FIGN: variants seen among roughly 807,000 people sequenced by gnomAD.
FIGN encodes fidgetin.
Under a neutral mutation model 51.3 loss-of-function variants are expected in FIGN, and 11 were observed. That is an observed-to-expected ratio of 0.21 (90% confidence interval 0.13 to 0.35). FIGN has a LOEUF of 0.35. Ranked by LOEUF, FIGN falls within the 10% of genes least tolerant of loss-of-function variation. The pLI is 1.00. For missense variants in FIGN, 857 were observed against 943.6 expected, an observed-to-expected ratio of 0.91 and a Z score of 1.20; for synonymous variants, 407 against 363.2, an observed-to-expected ratio of 1.12 and a Z score of -1.37.
At chr2:163,644,728 A>T (rs1683356863) in intron 2 of FIGN, among the ~76,000 whole-genome samples, 1 of 152,250 alleles carries the variant, frequency 6.6e-6, no homozygotes, top group Non-Finnish European at 1.5e-5. Flanking sequence ...ATCCACTGGA[A>T]AATTATTCAG....
rs545884046 is a variant in FIGN at position 163,627,386 on chromosome 2, G to C, written c.26-15580C>G. Among the ~76,000 whole-genome samples the C allele has an allele frequency of 2.0e-5, 3 of 152,238 alleles. No individual in the cohort carries two copies. In the South Asian group the frequency reaches 6.2e-4, roughly 32 times the overall value. On this transcript the variant is annotated intron_variant, in intron 2 of 2. Coordinates refer to ENST00000333129, the MANE Select transcript of FIGN (RefSeq NM_018086.4). Reference sequence around the variant, plus strand: ...CACAAGCTAGGGAGGATGGATATATGCATGAAACAGATTCTAGTGCAGAGA... The same window carrying C: ...CACAAGCTAGGGAGGATGGATATATCCATGAAACAGATTCTAGTGCAGAGA...
chr2:163,631,414 T>C (rs1683143810), intron 2 of FIGN, among the ~76,000 whole-genome samples: 1 of 152,194 alleles, frequency 6.6e-6, no homozygotes, highest in South Asian at 2.1e-4. Flanking sequence ...GAAATTAGAA[T>C]GCTAAACTAT....
chr2:163,730,504 T>TTGTGTG (rs59444555), intron 2 of FIGN, among the ~76,000 whole-genome samples: 4,580 of 148,972 alleles, frequency 0.031, 100 homozygotes, highest in East Asian at 0.11. Context: ...TGCTCCGTGT[T>TTGTGTG]TGTGTGTGTG....
chr2:163,652,439 C>T (rs1208091493), intron 2 of FIGN, among the ~76,000 whole-genome samples: 1 of 148,466 alleles, frequency 6.7e-6, no homozygotes, highest in Non-Finnish European at 1.5e-5. Flanking sequence ...TAGTATTCTA[C>T]TTAGGGATAG....
chr2:163,668,872 C>T (rs1471868899), intron 2 of FIGN, among the ~76,000 whole-genome samples: 6 of 151,730 alleles, frequency 4.0e-5, no homozygotes, highest in East Asian at 1.9e-4. Flanking sequence ...ACCCGGGAGG[C>T]GGAGCTTGCA....
intron 2 of FIGN, among the ~76,000 whole-genome samples, chr2:163,641,549 T>A (rs1354786017): frequency 2.6e-5 from 4 of 152,238 alleles, no homozygotes; most frequent in Non-Finnish European, 5.9e-5. Context: ...TAGGAAACGT[T>A]CCATTATACC....
At chr2:163,699,525 T>A (rs1476182090) in intron 2 of FIGN, among the ~76,000 whole-genome samples, 1 of 135,682 alleles carries the variant, frequency 7.4e-6, no homozygotes. Flanking sequence ...CATGTTCACA[T>A]GAATGTACTT....
chr2:163,734,759 T>A, intron 2 of FIGN, 144 bp downstream of exon 2: 1 of 644,432 alleles, frequency 1.6e-6, no homozygotes, highest in South Asian at 2.4e-5. Flanking sequence ...AAAAGCATGG[T>A]GACATTAAAC....
At chr2:163,667,198 C>T (rs1683793345) in intron 2 of FIGN, among the ~76,000 whole-genome samples, 1 of 152,026 alleles carries the variant, frequency 6.6e-6, no homozygotes, top group Non-Finnish European at 1.5e-5. Flanking sequence ...TCATCTCTGA[C>T]TTCTTTCGCC....
chr2:163,695,843 C>T (rs150713810), intron 2 of FIGN, among the ~76,000 whole-genome samples: 2 of 152,214 alleles, frequency 1.3e-5, no homozygotes, highest in South Asian at 2.1e-4. Context: ...CACATTGGCT[C>T]ACGCCTGTAA....
At chr2:163,703,885 C>T (rs1684449232) in intron 2 of FIGN, among the ~76,000 whole-genome samples, 1 of 152,074 alleles carries the variant, frequency 6.6e-6, no homozygotes. Context: ...GATATATTAT[C>T]AGCACTAATC....
rs1021433632 is a variant in FIGN, at chr2:163,677,249, T to C, written c.25+57654A>G. Reference sequence around the variant, plus strand: ...AAGCTCTACTGTTTCAAAGTTTCATTTGGGTTTCTGTGGATTCCTAAGCAA... The same window carrying C: ...AAGCTCTACTGTTTCAAAGTTTCATCTGGGTTTCTGTGGATTCCTAAGCAA... On this transcript the variant is annotated intron_variant, in intron 2 of 2. Transcript: ENST00000333129. 2.0e-5 allele frequency among the ~76,000 whole-genome samples: 3 copies of C among 152,216 alleles called. No homozygotes were observed. In the South Asian group the frequency reaches 6.2e-4, roughly 31 times the overall value.
chr2:163,666,951 G>A (rs955999839), intron 2 of FIGN, among the ~76,000 whole-genome samples: 20 of 151,524 alleles, frequency 1.3e-4, no homozygotes, highest in African/African-American at 4.6e-4. Flanking sequence ...ATTTATGTGT[G>A]TGTATGTGTA....
chr2:163,664,673 G>A (rs1270899559), intron 2 of FIGN, among the ~76,000 whole-genome samples: 1 of 152,140 alleles, frequency 6.6e-6, no homozygotes, highest in Non-Finnish European at 1.5e-5. Context: ...AAACAGCGCT[G>A]CCCTAGCAAA....
chr2:163,674,856 C>A (rs961240336), intron 2 of FIGN, among the ~76,000 whole-genome samples: 1 of 151,296 alleles, frequency 6.6e-6, no homozygotes, highest in East Asian at 1.9e-4. Context: ...GACTTTTTTT[C>A]CCACAGAAAA....
intron 2 of FIGN, among the ~76,000 whole-genome samples, chr2:163,628,270 G>A (rs1039771455): frequency 6.6e-6 from 1 of 152,138 alleles, no homozygotes; most frequent in East Asian, 1.9e-4. Context: ...GGAGCTAATA[G>A]TTGAGGTAGA....
At chr2:163,714,381 T>A (rs138588430) in intron 2 of FIGN, among the ~76,000 whole-genome samples, 84 of 152,290 alleles carry the variant, frequency 5.5e-4, no homozygotes, top group Non-Finnish European at 9.8e-4. Flanking sequence ...GACTATTGTG[T>A]CTAATCACAT....
intron 2 of FIGN, among the ~76,000 whole-genome samples, chr2:163,631,873 C>T (rs941906720): frequency 1.3e-5 from 2 of 152,112 alleles, no homozygotes; most frequent in African/African-American, 2.4e-5. Context: ...GTAGGCTGGG[C>T]GCAGTGACTC....
intron 2 of FIGN, among the ~76,000 whole-genome samples, chr2:163,724,157 A>G (rs966192081): frequency 2.0e-5 from 3 of 152,188 alleles, no homozygotes; most frequent in Admixed American, 1.3e-4. Context: ...TGAATGGCTT[A>G]CCCAAGGTAA....
Sources: allele counts gnomAD v4.1 joint callset (sites outside exome capture counted in the v4.1 genomes callset), GRCh38; gene constraint gnomAD v4.1.1; transcripts MANE v1.5; gene names NCBI Gene and HGNC (gene_info 2026-07-23, HGNC 2026-07-21).